The following STX19 variants were observed in gnomAD, a reference collection of about 807,000 sequenced individuals.
The protein encoded by STX19 is syntaxin-19.
Under a neutral mutation model 24.3 loss-of-function variants are expected in STX19, and 26 were observed. The ratio of observed to expected loss-of-function variants is 1.07; its 90% CI spans 0.78 to 1.48. The LOEUF is 1.48. Among genes scored for constraint, STX19 ranks in the 40% most tolerant of loss-of-function variants. The pLI is 0.00. For missense variants in STX19, 367 were observed against 331.9 expected (o/e 1.11, Z -0.82); for synonymous variants, 116 against 106.9 (o/e 1.09, Z -0.52).
At chr3:94,018,317 T>C (rs2076375378) in intron 1 of STX19, among the ~76,000 whole-genome samples, 1 of 152,146 alleles carries the variant, frequency 6.6e-6, no homozygotes, top group African/African-American at 2.4e-5. Flanking sequence ...ATGGGAACCA[T>C]CAGGATATAT....
At chr3:94,024,795 T>C (rs2076522228) in intron 1 of STX19, among the ~76,000 whole-genome samples, 1 of 152,090 alleles carries the variant, frequency 6.6e-6, no homozygotes, top group South Asian at 2.1e-4. Context: ...GCTGTGTTGC[T>C]CAGGCTGATC....
chr3:94,025,538 G>C (rs552803176), intron 1 of STX19, among the ~76,000 whole-genome samples: 113 of 152,234 alleles, frequency 7.4e-4, no homozygotes, highest in African/African-American at 2.7e-3. Context: ...CTGTGGCCAC[G>C]GACTGGTGAC....
At chr3:94,019,003 C>T (rs1240167634) in intron 1 of STX19, among the ~76,000 whole-genome samples, 4 of 152,074 alleles carry the variant, frequency 2.6e-5, no homozygotes, top group East Asian at 1.9e-4. Flanking sequence ...TGATCTCAGG[C>T]GATCCGCCCT....
chr3:94,023,945 AG>A (rs1189616830), intron 1 of STX19, among the ~76,000 whole-genome samples: 4 of 152,192 alleles, frequency 2.6e-5, no homozygotes, highest in Non-Finnish European at 5.9e-5. Context: ...CTATAAAAGA[AG>A]AAAAATAATT....
intron 1 of STX19, among the ~76,000 whole-genome samples, chr3:94,020,225 T>C (rs1317365527): frequency 6.6e-6 from 1 of 152,190 alleles, no homozygotes; most frequent in Non-Finnish European, 1.5e-5. Flanking sequence ...AGTTCTTATG[T>C]TGAGATCTTG....
intron 1 of STX19, among the ~76,000 whole-genome samples, chr3:94,027,688 C>T (rs2076586296): frequency 6.6e-6 from 1 of 151,924 alleles, no homozygotes; most frequent in African/African-American, 2.4e-5. Flanking sequence ...AGTATCTAAC[C>T]TATCTACATA....
chr3:94,026,000 T>G (rs1482616707), intron 1 of STX19, among the ~76,000 whole-genome samples: 1 of 152,044 alleles, frequency 6.6e-6, no homozygotes, highest in Non-Finnish European at 1.5e-5. Flanking sequence ...TCCTCATCAT[T>G]TCTGGCACCT....
At chr3:94,027,422 A>G (rs1233251837) in intron 1 of STX19, among the ~76,000 whole-genome samples, 1 of 152,102 alleles carries the variant, frequency 6.6e-6, no homozygotes, top group Non-Finnish European at 1.5e-5. Context: ...ATTAACTTGT[A>G]TAACAACATT....
chr3:94,014,550 T>C lies in STX19; in HGVS notation c.720A>G (p.Val240=). 1 of 1,612,654 alleles carries C rather than the reference T, an allele frequency of 6.2e-7. No individual in the cohort carries two copies. Among genetic ancestry groups the C allele is most frequent in the South Asian group, 1.1e-5 (1 of 90,736 alleles). Residue 240 remains valine, a synonymous_variant, in exon 2 of 2, where the codon GTA becomes GTG. Transcript: ENST00000315099. ...TGTTGATGCTCTCTCCTTGTTCCTC[T>C]ACTAAAAGAGATATCTGAATGAAAA... The part of the protein sequence containing the change: ...RDLFIQISLL[V]EEQGESINNI...
chr3:94,028,116 T>C (rs1194057875), intron 1 of STX19, among the ~76,000 whole-genome samples: 1 of 152,172 alleles, frequency 6.6e-6, no homozygotes, highest in African/African-American at 2.4e-5. Flanking sequence ...TTTAAAAGAC[T>C]TAAAAATTTT....
At position 94,028,400 on chromosome 3, in the gene STX19, C is replaced by T. The variant is rs2076601554; in HGVS notation, c.-47G>A. 1 of 152,230 alleles carries T rather than the reference C, an allele frequency of 6.6e-6. No homozygotes were observed. Among genetic ancestry groups the T allele is most frequent in the South Asian group, 2.1e-4 (1 of 4,836 alleles). The allele number at this position is 152,230 out of a possible 1,614,324, so 9.4% of individuals were successfully genotyped here. A position where few individuals can be genotyped will look rare whatever the true frequency, so the allele number is the denominator to read the frequency against. Reference sequence around the variant, plus strand: ...TTTCTTCCTTTTGTTGGTTTTCCACCTGCGGTGTTGGAGTCCTGCCTTTGA... The same window carrying T: ...TTTCTTCCTTTTGTTGGTTTTCCACTTGCGGTGTTGGAGTCCTGCCTTTGA... On this transcript the variant is annotated 5_prime_UTR_variant, in exon 1 of 2. Transcript: ENST00000315099.
intron 1 of STX19, among the ~76,000 whole-genome samples, chr3:94,018,799 T>C (rs183091091): frequency 6.6e-6 from 1 of 152,270 alleles, no homozygotes; most frequent in East Asian, 1.9e-4. Flanking sequence ...CGAGTCTCAC[T>C]CTGTCCCCTA....
intron 1 of STX19, among the ~76,000 whole-genome samples, chr3:94,027,900 A>G (rs2076591159): frequency 6.6e-6 from 1 of 152,154 alleles, no homozygotes; most frequent in South Asian, 2.1e-4. Flanking sequence ...GTAAACAACA[A>G]TGAAGCAATT....
chr3:94,019,851 C>T (rs1031377789), intron 1 of STX19, among the ~76,000 whole-genome samples: 2 of 152,174 alleles, frequency 1.3e-5, no homozygotes, highest in African/African-American at 4.8e-5. Flanking sequence ...GGCCTTGGCA[C>T]TTGCCTTCTC....
At chr3:94,015,700 A>C (rs1329166562) in intron 1 of STX19, among the ~76,000 whole-genome samples, 1 of 152,194 alleles carries the variant, frequency 6.6e-6, no homozygotes, top group Non-Finnish European at 1.5e-5. Flanking sequence ...GTAATATTAA[A>C]AAATACTCAT....
At chr3:94,022,006 C>T (rs1392066822) in intron 1 of STX19, among the ~76,000 whole-genome samples, 1 of 152,176 alleles carries the variant, frequency 6.6e-6, no homozygotes, top group Non-Finnish European at 1.5e-5. Flanking sequence ...TCCAATTCTC[C>T]ATTCCTTAAA....
intron 1 of STX19, among the ~76,000 whole-genome samples, chr3:94,016,513 AAT>A (rs1367021870): frequency 6.6e-6 from 1 of 152,198 alleles, no homozygotes; most frequent in Non-Finnish European, 1.5e-5. Context: ...AAATAACAAA[AAT>A]ATATTTAACA....
chr3:94,018,384 A>G (rs2076376978), intron 1 of STX19, among the ~76,000 whole-genome samples: 1 of 152,110 alleles, frequency 6.6e-6, no homozygotes, highest in South Asian at 2.1e-4. Context: ...ACTTAACACA[A>G]TCATTTCTTG....
In STX19 at chr3:94,014,474, C is replaced by CCAA. The variant is rs2076285329; in HGVS notation, c.795_796insTTG (p.Lys265_Glu266insLeu). ...TATTTTACAGCTAGTCCAAATTTCTCTTTAGTATTGTTAACATACTCTTTT... is the reference window on the plus strand; with the variant it reads ...TATTTTACAGCTAGTCCAAATTTCTCCAATTTAGTATTGTTAACATACTCTTTT... On this transcript the variant is annotated inframe_insertion, in exon 2 of 2. Coordinates refer to ENST00000315099, the MANE Select transcript of STX19 (RefSeq NM_001001850.3). The CCAA allele has an allele frequency of 6.2e-7, 1 of 1,607,392 alleles. No homozygotes were observed. Among genetic ancestry groups the CCAA allele is most frequent in the South Asian group, 1.1e-5 (1 of 89,134 alleles).
Sources: allele counts gnomAD v4.1 joint callset (sites outside exome capture counted in the v4.1 genomes callset), GRCh38; gene constraint gnomAD v4.1.1; transcripts MANE v1.5; gene names NCBI Gene and HGNC (gene_info 2026-07-23, HGNC 2026-07-21).